The following IQUB variants were observed in gnomAD, a reference collection of about 807,000 sequenced individuals.
IQUB encodes the protein IQ motif and ubiquitin domain containing, also known as IQ motif and ubiquitin-like domain-containing protein.
IQUB carries 86 observed loss-of-function variants against 86.4 expected under a neutral mutation model. That is an observed-to-expected ratio of 1.00 (90% CI 0.84 to 1.19). The LOEUF (loss-of-function observed/expected upper bound fraction) is 1.19, where lower values mean the gene tolerates loss of function less well. Among genes scored for constraint, IQUB ranks in the 50% most tolerant of loss-of-function variants. The pLI is 0.00. For missense variants in IQUB, 946 were observed against 916.9 expected (o/e 1.03, Z -0.41); for synonymous variants, 289 against 304.5 (o/e 0.95, Z 0.53).
intron 8 of IQUB, among the ~76,000 whole-genome samples, chr7:123,477,449 A>T (rs1794799761): frequency 6.6e-6 from 1 of 152,250 alleles, no homozygotes; most frequent in Non-Finnish European, 1.5e-5. Context: ...TTCAAGATGG[A>T]TTAAAGACTT....
At position 123,487,247 on chromosome 7, in the gene IQUB, T is replaced by A. The variant is rs77463008; in HGVS notation, c.1235-7277A>T. On this transcript the variant is annotated intron_variant, in intron 7 of 12. Transcript: ENST00000324698. ...GGTTCCTGTACAGCCTGTGGAACTA[T>A]GAGTCAATTTAATCTCTTTTCTTTA... is the stretch of plus-strand genomic sequence containing the variant. 6.6e-4 allele frequency among the ~76,000 whole-genome samples: 100 copies of A among 152,230 alleles called. 1 individual carries two copies. Among genetic ancestry groups the A allele is most frequent in the Non-Finnish European group, 1.2e-3 (84 of 68,032 alleles).
chr7:123,459,268 A>G (rs1308203670), intron 11 of IQUB, among the ~76,000 whole-genome samples: 5 of 152,012 alleles, frequency 3.3e-5, no homozygotes. Context: ...TTGATTTTAC[A>G]TCAACTTGAT....
At position 123,480,123 on chromosome 7, in the gene IQUB, TGAC is replaced by T. The variant is rs1794939326; in HGVS notation, c.1235-156_1235-154del. Among the ~76,000 whole-genome samples, 3 of 151,836 alleles carry T rather than the reference TGAC, an allele frequency of 2.0e-5. No homozygotes were observed. The South Asian group carries it at 6.2e-4, about 32-fold the overall frequency. ...TTGTACACCTGATGCATGAAAAAAG[TGAC>T]GAAATGGAAGCAGAGAGACTTAATA... On this transcript the variant is annotated intron_variant, in intron 7 of 12. Transcript: ENST00000324698.
intron 1 of IQUB, among the ~76,000 whole-genome samples, chr7:123,529,723 T>C (rs1181621917): frequency 4.3e-5 from 1 of 23,200 alleles, no homozygotes; most frequent in Admixed American, 6.7e-4. Flanking sequence ...CTGTCTCTAC[T>C]TAAAAAAAAA....
chr7:123,509,857 A>G, intron 3 of IQUB, 44 bp downstream of exon 3: 3 of 1,524,480 alleles, frequency 2.0e-6, no homozygotes, highest in Non-Finnish European at 2.7e-6. Flanking sequence ...TTACATGTTA[A>G]AACTAGAAAA....
At chr7:123,512,492 G>A in intron 1 of IQUB, 148 bp from the exon 2 acceptor site, 1 of 450,980 alleles carries the variant, frequency 2.2e-6, no homozygotes, top group Non-Finnish European at 3.8e-6. Context: ...AATAGCATCA[G>A]GTTAAAAAAA....
intron 10 of IQUB, chr7:123,462,606 A>C (rs1460896792): frequency 4.9e-6 from 1 of 203,142 alleles, no homozygotes; most frequent in African/African-American, 2.3e-5. Context: ...AGAAAAGAAG[A>C]GTGATCTAGG....
intron 8 of IQUB, among the ~76,000 whole-genome samples, chr7:123,478,776 A>C (rs1319261991): frequency 6.6e-6 from 1 of 152,152 alleles, no homozygotes; most frequent in Non-Finnish European, 1.5e-5. Flanking sequence ...TCATACAGAT[A>C]GGTTATATGC....
chr7:123,507,506 A>C (rs1315800698), intron 3 of IQUB, among the ~76,000 whole-genome samples: 1 of 152,202 alleles, frequency 6.6e-6, no homozygotes, highest in Admixed American at 6.5e-5. Flanking sequence ...GAGCATCTGT[A>C]GTCTATTTTG....
At chr7:123,529,156 A>G (rs1249472574) in intron 1 of IQUB, among the ~76,000 whole-genome samples, 2 of 152,198 alleles carry the variant, frequency 1.3e-5, no homozygotes, top group Non-Finnish European at 2.9e-5. Flanking sequence ...AAGTAAAAGT[A>G]TTTCAGACAT....
intron 6 of IQUB, chr7:123,501,811 C>T (rs1036514580): frequency 2.6e-5 from 4 of 152,190 alleles, no homozygotes; most frequent in African/African-American, 9.7e-5. Flanking sequence ...CCCCTAAATC[C>T]CACTCAAACT....
At chr7:123,468,771 T>C (rs942749989) in intron 9 of IQUB, among the ~76,000 whole-genome samples, 16 of 152,242 alleles carry the variant, frequency 1.1e-4, no homozygotes, top group Admixed American at 9.2e-4. Context: ...GTTTGTTTCT[T>C]GTTTCTTGGG....
chr7:123,517,801 T>C (rs945583994), intron 1 of IQUB, among the ~76,000 whole-genome samples: 5 of 152,172 alleles, frequency 3.3e-5, no homozygotes, highest in Non-Finnish European at 5.9e-5. Context: ...TTACATTGTC[T>C]TTCCTACAGC....
At chr7:123,526,388 G>A (rs1255890020) in intron 1 of IQUB, among the ~76,000 whole-genome samples, 1 of 152,138 alleles carries the variant, frequency 6.6e-6, no homozygotes. Flanking sequence ...GGGTGCTCCT[G>A]TATTGGGTGC....
At chr7:123,515,313 G>C (rs1242551256) in intron 1 of IQUB, among the ~76,000 whole-genome samples, 1 of 152,070 alleles carries the variant, frequency 6.6e-6, no homozygotes, top group Non-Finnish European at 1.5e-5. Context: ...CTGCTCTTCA[G>C]AAAACACAAC....
chr7:123,481,246 C>T (rs938640309), intron 7 of IQUB, among the ~76,000 whole-genome samples: 1 of 152,090 alleles, frequency 6.6e-6, no homozygotes, highest in Non-Finnish European at 1.5e-5. Context: ...CATCACCCCC[C>T]ACTTATGTTT....
chr7:123,455,006 C>T (rs567875758), intron 12 of IQUB, among the ~76,000 whole-genome samples: 2 of 152,250 alleles, frequency 1.3e-5, no homozygotes, highest in South Asian at 2.1e-4. Flanking sequence ...GAGAGTTATT[C>T]TCCATCTCCT....
chr7:123,461,269 C>T, intron 11 of IQUB, 88 bp downstream of exon 11: 1 of 1,002,042 alleles, frequency 1.0e-6, no homozygotes. Flanking sequence ...ATTAAACAAT[C>T]ACACACACAC....
At chr7:123,520,579 C>T (rs1427493602) in intron 1 of IQUB, among the ~76,000 whole-genome samples, 1 of 152,120 alleles carries the variant, frequency 6.6e-6, no homozygotes, top group African/African-American at 2.4e-5. Flanking sequence ...AGAAGCATCA[C>T]ATATCTGAGG....
Sources: gnomAD v4.1 joint callset for allele counts (sites outside exome capture counted in the v4.1 genomes callset) on GRCh38, gnomAD v4.1.1 for gene constraint, MANE v1.5 for transcripts, NCBI Gene and HGNC (gene_info 2026-07-23, HGNC 2026-07-21) for gene names.